The following SLC10A7 variants were observed in gnomAD, a reference collection of about 807,000 sequenced individuals.
SLC10A7 encodes the protein solute carrier family 10 member 7.
Under a neutral mutation model 43.2 loss-of-function variants are expected in SLC10A7, and 29 were observed. The ratio of observed to expected loss-of-function variants is 0.67; its 90% confidence interval spans 0.50 to 0.92. SLC10A7 has a LOEUF of 0.92. Among genes scored for constraint, SLC10A7 ranks in the 40% least tolerant of loss-of-function variants. The pLI, the probability that SLC10A7 is intolerant of heterozygous loss-of-function variation, is 0.00. For synonymous variants in SLC10A7, 152 were observed against 144.8 expected, an observed-to-expected ratio of 1.05 and a Z score of -0.35; for missense variants, 295 against 403.2, an observed-to-expected ratio of 0.73 and a Z score of 2.30.
chr4:146,356,960 G>A (rs1735696038), intron 5 of SLC10A7, among the ~76,000 whole-genome samples: 2 of 152,110 alleles, frequency 1.3e-5, no homozygotes, highest in Admixed American at 1.3e-4. Context: ...GAATAAACTT[G>A]CAAGGAAACA....
intron 10 of SLC10A7, among the ~76,000 whole-genome samples, chr4:146,269,082 G>A (rs1397768093): frequency 1.3e-5 from 2 of 152,182 alleles, no homozygotes; most frequent in East Asian, 1.9e-4. Flanking sequence ...GACCCAGGCT[G>A]TAACCCCATC....
At chr4:146,494,662 T>C (rs1735735004) in intron 4 of SLC10A7, among the ~76,000 whole-genome samples, 1 of 152,114 alleles carries the variant, frequency 6.6e-6, no homozygotes, top group South Asian at 2.1e-4. Context: ...TCTCCACTCA[T>C]CTTTTCTGTG....
intron 5 of SLC10A7, among the ~76,000 whole-genome samples, chr4:146,338,123 G>C (rs938329892): frequency 6.6e-6 from 1 of 151,912 alleles, no homozygotes; most frequent in Non-Finnish European, 1.5e-5. Context: ...TTTGCTGAAT[G>C]AAAGAACAAA....
chr4:146,412,608 A>T (rs1728276265), intron 5 of SLC10A7, among the ~76,000 whole-genome samples: 1 of 152,142 alleles, frequency 6.6e-6, no homozygotes, highest in Non-Finnish European at 1.5e-5. Flanking sequence ...TTTTATATGG[A>T]GGATTTAAGC....
Position 146,485,697 on chromosome 4 carries a change from T to C in SLC10A7, c.396+18152A>G, listed in dbSNP as rs576177062. Among the ~76,000 whole-genome samples the C allele has an allele frequency of 2.6e-5, 4 of 152,288 alleles. No homozygotes were observed. In the South Asian group the frequency reaches 6.2e-4, roughly 24 times the overall value. On this transcript the variant is annotated intron_variant, in intron 4 of 11. Transcript: ENST00000335472. ...GGAAATCCAAGAGAAAGTCCTACTCTGGGCTGAAAAATCAGTTATGACCAG... is the reference window on the plus strand; with the variant it reads ...GGAAATCCAAGAGAAAGTCCTACTCCGGGCTGAAAAATCAGTTATGACCAG...
At chr4:146,303,525 C>T (rs1731306939) in intron 7 of SLC10A7, among the ~76,000 whole-genome samples, 1 of 151,754 alleles carries the variant, frequency 6.6e-6, no homozygotes, top group Non-Finnish European at 1.5e-5. Flanking sequence ...CCACCGGCAC[C>T]CACCACCACA....
At chr4:146,313,308 G>A (rs1732105345) in intron 6 of SLC10A7, among the ~76,000 whole-genome samples, 1 of 152,194 alleles carries the variant, frequency 6.6e-6, no homozygotes, top group African/African-American at 2.4e-5. Flanking sequence ...CACCAGCAGT[G>A]CAACTGGCCT....
intron 9 of SLC10A7, among the ~76,000 whole-genome samples, chr4:146,286,248 A>C (rs77820295): frequency 6.4e-5 from 1 of 15,726 alleles, no homozygotes; most frequent in Non-Finnish European, 1.1e-4. Flanking sequence ...GAGAAGGATC[A>C]TGTTTGGAGT....
chr4:146,442,107 T>C, intron 5 of SLC10A7: 1 of 974,460 alleles, frequency 1.0e-6, no homozygotes, highest in Non-Finnish European at 1.2e-6. Flanking sequence ...ACAGAAAATT[T>C]AGTTTCTCAA....
chr4:146,435,660 A>G (rs1042340104), intron 5 of SLC10A7, among the ~76,000 whole-genome samples: 5 of 152,186 alleles, frequency 3.3e-5, no homozygotes, highest in African/African-American at 1.2e-4. Flanking sequence ...GGAAAAAGAA[A>G]CAAAGAAATA....
intron 6 of SLC10A7, among the ~76,000 whole-genome samples, chr4:146,317,578 T>G (rs1331161223): frequency 6.6e-6 from 1 of 152,004 alleles, no homozygotes; most frequent in East Asian, 1.9e-4. Flanking sequence ...TGGAAGATAT[T>G]AGCATTTAAA....
At chr4:146,520,119 A>T (rs1485486419) in intron 1 of SLC10A7, among the ~76,000 whole-genome samples, 1 of 152,246 alleles carries the variant, frequency 6.6e-6, no homozygotes, top group African/African-American at 2.4e-5. Flanking sequence ...TAGCCCCTGC[A>T]GATTTAAAGT....
chr4:146,333,831 G>A lies in SLC10A7; in HGVS notation c.436-7835C>T, dbSNP rs202096865. On this transcript the variant is annotated intron_variant, in intron 5 of 11. Coordinates refer to ENST00000335472, the MANE Select transcript of SLC10A7 (RefSeq NM_001029998.6). ...TCTGTGGTTAGGTAAGAATCACTCC[G>A]TGTGTACTTTAGAGAACACATTAAA... Among the ~76,000 whole-genome samples, 494 of 152,128 alleles carry A rather than the reference G, an allele frequency of 3.2e-3. 1 individual carries two copies. Among genetic ancestry groups the A allele is most frequent in the South Asian group, 9.8e-3 (47 of 4,800 alleles).
chr4:146,409,419 C>T (rs1727982521), intron 5 of SLC10A7, among the ~76,000 whole-genome samples: 1 of 148,992 alleles, frequency 6.7e-6, no homozygotes, highest in East Asian at 2.0e-4. Flanking sequence ...AAAGGCAAAA[C>T]TAAAGGGATA....
chr4:146,304,365 G>T (rs1197453902), intron 7 of SLC10A7, among the ~76,000 whole-genome samples: 2 of 151,898 alleles, frequency 1.3e-5, no homozygotes, highest in Non-Finnish European at 2.9e-5. Flanking sequence ...ATAAGGTAAA[G>T]ACTTGCTAGA....
chr4:146,438,113 A>G (rs1224709072), intron 5 of SLC10A7, among the ~76,000 whole-genome samples: 3 of 152,098 alleles, frequency 2.0e-5, no homozygotes. Flanking sequence ...AGCAGCTATA[A>G]TAACAATCAG....
chr4:146,458,713 TA>T (rs957160946), intron 4 of SLC10A7, among the ~76,000 whole-genome samples: 4 of 151,856 alleles, frequency 2.6e-5, no homozygotes, highest in Admixed American at 2.6e-4. Flanking sequence ...GTTTTTACTA[TA>T]AAACCCAATC....
At chr4:146,305,782 T>C (rs1731526640) in intron 7 of SLC10A7, 144 bp downstream of exon 7, 2 of 693,558 alleles carry the variant, frequency 2.9e-6, no homozygotes, top group Non-Finnish European at 4.7e-6. Flanking sequence ...GAGAATACTG[T>C]GATTGATGAA....
At chr4:146,310,224 T>C (rs1277754606) in intron 6 of SLC10A7, among the ~76,000 whole-genome samples, 1 of 152,190 alleles carries the variant, frequency 6.6e-6, no homozygotes, top group African/African-American at 2.4e-5. Context: ...AATCCACTGT[T>C]GATGGTCACT....
Sources: allele counts gnomAD v4.1 joint callset (sites outside exome capture counted in the v4.1 genomes callset), GRCh38; gene constraint gnomAD v4.1.1; transcripts MANE v1.5; gene names NCBI Gene and HGNC (gene_info 2026-07-23, HGNC 2026-07-21).